STAM2: variants seen among roughly 807,000 people sequenced by gnomAD.
STAM2 encodes signal transducing adapter molecule 2.
STAM2 carries 51 observed loss-of-function variants against 65.6 expected under a neutral mutation model. That is an observed-to-expected ratio of 0.78 (90% CI 0.62 to 0.98). The LOEUF is 0.98. Among genes scored for constraint, STAM2 ranks in the 50% least tolerant of loss-of-function variants. STAM2 has a pLI of 0.00. For synonymous variants in STAM2, 198 were observed against 208.4 expected, an observed-to-expected ratio of 0.95 and a Z score of 0.43; for missense variants, 584 against 617.8, an observed-to-expected ratio of 0.95 and a Z score of 0.58.
intron 1 of STAM2, among the ~76,000 whole-genome samples, chr2:152,161,085 A>T (rs1689664230): frequency 6.6e-6 from 1 of 152,216 alleles, no homozygotes; most frequent in Non-Finnish European, 1.5e-5. Flanking sequence ...AGATTGAGAA[A>T]TCGGATGGTT....
At chr2:152,147,548 C>A (rs1382743709) in intron 4 of STAM2, among the ~76,000 whole-genome samples, 1 of 152,078 alleles carries the variant, frequency 6.6e-6, no homozygotes, top group Non-Finnish European at 1.5e-5. Context: ...ATAATGACAA[C>A]AGATCTTTTA....
rs147284864 is a variant in STAM2, at chr2:152,163,200, G to A, written c.40+12403C>T. Among the ~76,000 whole-genome samples, 322 of 152,348 alleles carry A rather than the reference G, an allele frequency of 2.1e-3. 1 individual carries two copies. Among genetic ancestry groups the A allele is most frequent in the African/African-American group, 6.8e-3 (281 of 41,580 alleles). On this transcript the variant is annotated intron_variant, in intron 1 of 13. Coordinates refer to ENST00000263904, the MANE Select transcript of STAM2 (RefSeq NM_005843.6). ...ACGAATGGAGGGACTGGCTGGAGCC[G>A]TAGCAGAGGAACATAAATTGTGAAG...
rs187408688 is a variant in STAM2 at position 152,151,125 on chromosome 2, A to G, written c.41-896T>C. On this transcript the variant is annotated intron_variant, in intron 1 of 13. Transcript: ENST00000263904. ...AAAATATGATTTGCTTGGGCTTATA[A>G]CGCTGAGTCAAAAAAGCTAACAGCA... Among the ~76,000 whole-genome samples, 16 of 152,192 alleles carry G rather than the reference A, an allele frequency of 1.1e-4. No individual in the cohort carries two copies. The East Asian group carries it at 2.5e-3, about 24-fold the overall frequency.
At chr2:152,173,776 C>T (rs144152587) in intron 1 of STAM2, among the ~76,000 whole-genome samples, 1 of 152,146 alleles carries the variant, frequency 6.6e-6, no homozygotes, top group African/African-American at 2.4e-5. Flanking sequence ...CTATGATATA[C>T]GTGCAAGTCC....
Position 152,135,932 on chromosome 2 carries a change from A to G in STAM2, c.705-329T>C, listed in dbSNP as rs1689145810. ...TGGTGAAACCTCATCTCTATTAAAA[A>G]TACAAAAATTAGCCAGGCATGGTGG... On this transcript the variant is annotated intron_variant, in intron 7 of 13. Coordinates refer to ENST00000263904, the MANE Select transcript of STAM2 (RefSeq NM_005843.6). 3.3e-5 allele frequency among the ~76,000 whole-genome samples: 5 copies of G among 152,040 alleles called. No homozygotes were observed. In the South Asian group the frequency reaches 1.0e-3, roughly 32 times the overall value.
intron 13 of STAM2, among the ~76,000 whole-genome samples, chr2:152,123,304 G>A (rs1389999839): frequency 6.6e-6 from 1 of 151,866 alleles, no homozygotes; most frequent in Non-Finnish European, 1.5e-5. Flanking sequence ...CCTGGAAGAC[G>A]GAGGTTGCAG....
chr2:152,145,859 T>C (rs570878392), intron 5 of STAM2, among the ~76,000 whole-genome samples: 2 of 152,360 alleles, frequency 1.3e-5, no homozygotes, highest in South Asian at 2.1e-4. Context: ...GTTCTTTACA[T>C]AGATTTTTCA....
chr2:152,134,534 A>C (rs1251162334), intron 8 of STAM2, among the ~76,000 whole-genome samples: 3 of 152,188 alleles, frequency 2.0e-5, no homozygotes, highest in African/African-American at 7.2e-5. Context: ...ACGATGTTAC[A>C]CATGCATAAT....
chr2:152,160,120 G>A (rs1001091883), intron 1 of STAM2, among the ~76,000 whole-genome samples: 1 of 152,216 alleles, frequency 6.6e-6, no homozygotes, highest in African/African-American at 2.4e-5. Flanking sequence ...CTCCCAAAGT[G>A]CCAAGATTGC....
At chr2:152,134,227 T>C (rs537476535) in intron 8 of STAM2, among the ~76,000 whole-genome samples, 6 of 152,174 alleles carry the variant, frequency 3.9e-5, no homozygotes, top group African/African-American at 7.2e-5. Context: ...TTTCAAATAT[T>C]TGGCTAACTT....
chr2:152,174,014 G>A (rs1169782418), intron 1 of STAM2, among the ~76,000 whole-genome samples: 1 of 152,102 alleles, frequency 6.6e-6, no homozygotes, highest in Non-Finnish European at 1.5e-5. Flanking sequence ...AATCTCAACA[G>A]CAGTGCCTCC....
chr2:152,126,726 C>G (rs1347879644), intron 11 of STAM2, among the ~76,000 whole-genome samples: 2 of 152,096 alleles, frequency 1.3e-5, no homozygotes, highest in African/African-American at 2.4e-5. Flanking sequence ...CCCACGTTTT[C>G]TGTGCAGCAG....
intron 1 of STAM2, among the ~76,000 whole-genome samples, chr2:152,164,708 T>G (rs1219102237): frequency 6.6e-6 from 1 of 152,170 alleles, no homozygotes; most frequent in Non-Finnish European, 1.5e-5. Flanking sequence ...TCTGATGGAA[T>G]ACAGATCAGT....
At chr2:152,144,042 A>G in intron 6 of STAM2, 29 bp from the exon 7 acceptor site, 1 of 1,566,778 alleles carries the variant, frequency 6.4e-7, no homozygotes, top group Non-Finnish European at 8.7e-7. Flanking sequence ...ATGCAAAGAA[A>G]CTGGAATTAA....
intron 7 of STAM2, among the ~76,000 whole-genome samples, chr2:152,136,156 A>G (rs1689149905): frequency 6.6e-6 from 1 of 151,954 alleles, no homozygotes. Context: ...ACTTTAAAAA[A>G]GTAAGGCCGG....
At chr2:152,174,632 C>A (rs1269262004) in intron 1 of STAM2, among the ~76,000 whole-genome samples, 1 of 152,124 alleles carries the variant, frequency 6.6e-6, no homozygotes, top group African/African-American at 2.4e-5. Flanking sequence ...TTCTGAGTCT[C>A]CCCGCCCCAA....
intron 5 of STAM2, among the ~76,000 whole-genome samples, chr2:152,146,667 T>C (rs1426124671): frequency 6.6e-6 from 1 of 152,202 alleles, no homozygotes; most frequent in Non-Finnish European, 1.5e-5. Flanking sequence ...TCTTCACTTC[T>C]CTCTAACAAA....
At position 152,119,692 on chromosome 2, in the gene STAM2, C is replaced by T. The variant is rs1372551722; in HGVS notation, c.*882G>A. 1 of 152,164 alleles carries T rather than the reference C, an allele frequency of 6.6e-6. No homozygotes were observed. Among genetic ancestry groups the T allele is most frequent in the Admixed American group, 6.6e-5 (1 of 15,266 alleles). The allele number at this position is 152,164 out of a possible 1,614,324, so 9.4% of individuals were successfully genotyped here. On this transcript the variant is annotated 3_prime_UTR_variant, in exon 14 of 14. Transcript: ENST00000263904. ...CTTCATTAGAGAATAGCCAAAATCA[C>T]TTGAAAAGGTTATTAGTGACAATTC...
chr2:152,125,801 T>C (rs1333422824), intron 12 of STAM2, among the ~76,000 whole-genome samples: 1 of 152,238 alleles, frequency 6.6e-6, no homozygotes, highest in East Asian at 1.9e-4. Context: ...TGTAAAGAAA[T>C]GTTAAATCTT....
Sources: gnomAD v4.1 joint callset for allele counts (sites outside exome capture counted in the v4.1 genomes callset) on GRCh38, gnomAD v4.1.1 for gene constraint, MANE v1.5 for transcripts, NCBI Gene and HGNC (gene_info 2026-07-23, HGNC 2026-07-21) for gene names.